APC: variants seen among roughly 807,000 people sequenced by gnomAD.
The protein encoded by APC is adenomatous polyposis coli protein.
In APC, 72 loss-of-function variants were observed where a neutral mutation model predicts 247.0. The observed-to-expected ratio is 0.29, with a 90% CI of 0.24 to 0.35. APC has a LOEUF of 0.35. Among genes scored for constraint, APC ranks in the 10% least tolerant of loss-of-function variants. The probability of loss-of-function intolerance (pLI) is 1.00; values close to 1 mark genes in which losing one functional copy is unlikely to be tolerated. For missense variants in APC, 3,400 were observed against 3,360.7 expected, an observed-to-expected ratio of 1.01 and a Z score of -0.29; for synonymous variants, 1,254 against 1,162.5, an observed-to-expected ratio of 1.08 and a Z score of -1.60.
chr5:112,809,150 G>A (rs1409301581), intron 8 of APC, among the ~76,000 whole-genome samples: 2 of 151,424 alleles, frequency 1.3e-5, no homozygotes, highest in Non-Finnish European at 2.9e-5. Flanking sequence ...CCAAGAGTTT[G>A]AGACCAGTCT....
In APC at chr5:112,840,374, C is replaced by G. The variant is rs1008704701; in HGVS notation, c.4780C>G (p.Pro1594Ala). The G allele has an allele frequency of 2.5e-6, 4 of 1,614,158 alleles. No individual in the cohort carries two copies. The highest frequency in any genetic ancestry group is 3.4e-6 in the Non-Finnish European group (4 of 1,180,026). ...AAAGTCATCACGTAAAGCAAAAAAG[C>G]CAGCCCAGACTGCTTCAAAATTACC... is the stretch of plus-strand genomic sequence containing the variant. ...PTKSSRKAKK[P>A]AQTASKLPPP... Residue 1594 changes from proline to alanine, a missense_variant, in exon 16 of 16, where the codon CCA becomes GCA. Transcript: ENST00000257430. This position sits in a 1 kb window ranked among gnomAD's most constrained non-coding sequence, Gnocchi z 4.1.
chr5:112,739,788 C>T (rs2431509), intron 1 of APC, among the ~76,000 whole-genome samples: 10,712 of 152,242 alleles, frequency 0.07, 433 homozygotes, highest in Middle Eastern at 0.14. Flanking sequence ...TTCCAAATGA[C>T]ATTTAACAGC....
chr5:112,786,390 G>T (rs17134929), intron 6 of APC, among the ~76,000 whole-genome samples: 3,648 of 152,260 alleles, frequency 0.024, 160 homozygotes, highest in African/African-American at 0.084. Context: ...ATGTGAGATT[G>T]TTAGTCTCCA....
chr5:112,760,849 G>A (rs372907744), intron 2 of APC, among the ~76,000 whole-genome samples: 54 of 149,794 alleles, frequency 3.6e-4, no homozygotes, highest in African/African-American at 7.4e-4. Flanking sequence ...TCGCTCTGTC[G>A]CCCAGTCTGG....
rs1422980338 is a variant in APC at position 112,843,838 on chromosome 5, A to G, written c.8244A>G (p.Val2748=). ...IKPGQNNPVP[V]SETNESSIVE... ...CAGGACAAAATAATCCTGTCCCTGT[A>G]TCAGAGACTAATGAAAGTTCTATAG... is the stretch of plus-strand genomic sequence containing the variant. The change falls in exon 16 of 16, where the codon GTA becomes GTG. Residue 2748 remains valine, a synonymous_variant. Coordinates refer to ENST00000257430, the MANE Select transcript of APC (RefSeq NM_000038.6). This position sits in a 1 kb window ranked among gnomAD's most constrained non-coding sequence, Gnocchi z 4.8. 1 of 1,614,114 alleles carries G rather than the reference A, an allele frequency of 6.2e-7. No homozygotes were observed.
At chr5:112,816,726 G>GA (rs1762548438) in intron 9 of APC, among the ~76,000 whole-genome samples, 1 of 151,522 alleles carries the variant, frequency 6.6e-6, no homozygotes, top group Non-Finnish European at 1.5e-5. Context: ...CTGGGAGGCG[G>GA]AGGTTGCAGT....
At chr5:112,791,410 G>A (rs538401057) in intron 6 of APC, among the ~76,000 whole-genome samples, 39 of 152,160 alleles carry the variant, frequency 2.6e-4, no homozygotes, top group Non-Finnish European at 4.9e-4. Flanking sequence ...TTAAACCAGG[G>A]GTCCCCAGCC....
upstream of APC, among the ~76,000 whole-genome samples, chr5:112,733,590 C>T (rs1355608962): frequency 6.6e-6 from 1 of 152,166 alleles, no homozygotes; most frequent in East Asian, 1.9e-4. Context: ...CAGATTCCCC[C>T]TTAGAGCCTC....
chr5:112,829,069 G>A, intron 14 of APC, 97 bp downstream of exon 14: 1 of 862,936 alleles, frequency 1.2e-6, no homozygotes, highest in East Asian at 2.5e-5. Flanking sequence ...TTTCTTACCT[G>A]TGTATTATTC....
chr5:112,728,778 A>T lies in APC; in HGVS notation c.165+20896A>T, dbSNP rs861674. 0.44 allele frequency among the ~76,000 whole-genome samples: 67,227 copies of T among 151,854 alleles called. 15,255 individuals are homozygous for T. The highest frequency in any genetic ancestry group is 0.48 in the Middle Eastern group (140 of 294). On this transcript the variant is annotated intron_variant, in intron 1 of 13. Coordinates refer to the APC transcript ENST00000507379. ...TTACATTCAGCTATAAATTAGTAAC[A>T]GTGTGCATATGATTTCTGATTATTT...
intron 8 of APC, among the ~76,000 whole-genome samples, chr5:112,812,989 A>T (rs925148689): frequency 1.3e-5 from 2 of 152,178 alleles, no homozygotes; most frequent in Non-Finnish European, 2.9e-5. Flanking sequence ...CCTAGTCAGC[A>T]TAAAGAGTCC....
Position 112,844,220 on chromosome 5 carries a change from T to A in APC, c.*94T>A, listed in dbSNP as rs1173615850. 8.2e-6 allele frequency: 10 copies of A among 1,222,986 alleles called. No individual in the cohort carries two copies. Among genetic ancestry groups the A allele is most frequent in the Non-Finnish European group, 1.0e-5 (9 of 869,698 alleles). 75.8% of individuals were successfully genotyped at this position (1,222,986 alleles called of 1,614,324 possible). A position where few individuals can be genotyped will look rare whatever the true frequency, so the allele number is the denominator to read the frequency against. The stretch of plus-strand genomic sequence containing the variant: ...AATGAAACTTTAAAAGACTGAAAAA[T>A]TTTGTAAATAGGTTTGATTCTTGTT... On this transcript the variant is annotated 3_prime_UTR_variant, in exon 16 of 16. Transcript: ENST00000257430.
At chr5:112,730,818 G>C (rs1444791287) in intron 1 of APC, among the ~76,000 whole-genome samples, 4 of 151,974 alleles carry the variant, frequency 2.6e-5, no homozygotes, top group Non-Finnish European at 5.9e-5. Flanking sequence ...TGTGACTTCA[G>C]TTAGTGTCGA....
intron 7 of APC, among the ~76,000 whole-genome samples, chr5:112,794,516 C>CA (rs1476133975): frequency 6.6e-6 from 1 of 152,200 alleles, no homozygotes; most frequent in Non-Finnish European, 1.5e-5. Flanking sequence ...AAGTAAAAGA[C>CA]AAAGTCAGTC....
At chr5:112,719,213 ACTT>A (rs371757938) in intron 1 of APC, among the ~76,000 whole-genome samples, 11 of 151,932 alleles carry the variant, frequency 7.2e-5, no homozygotes, top group African/African-American at 1.7e-4. Context: ...TTCCTTCTTT[ACTT>A]CTTCTTTCTT....
intron 7 of APC, among the ~76,000 whole-genome samples, chr5:112,798,683 C>G (rs1396652349): frequency 1.3e-5 from 2 of 152,054 alleles, no homozygotes; most frequent in African/African-American, 2.4e-5. Flanking sequence ...CTTCTTTTGT[C>G]TTCAGTGTAT....
chr5:112,819,953 G>C (rs1367319139), intron 10 of APC, among the ~76,000 whole-genome samples: 1 of 152,056 alleles, frequency 6.6e-6, no homozygotes, highest in Non-Finnish European at 1.5e-5. Context: ...TCTCAGCTCG[G>C]TGCTCTTCCT....
chr5:112,843,843 A>C lies in APC; in HGVS notation c.8249A>C (p.Glu2750Ala). 6 of 1,614,130 alleles carry C rather than the reference A, an allele frequency of 3.7e-6. No individual in the cohort carries two copies. Among genetic ancestry groups the C allele is most frequent in the Non-Finnish European group, 5.1e-6 (6 of 1,179,952 alleles). ...CAAAATAATCCTGTCCCTGTATCAG[A>C]GACTAATGAAAGTTCTATAGTGGAA... The part of the protein sequence containing the change: ...PGQNNPVPVS[E>A]TNESSIVERT... Residue 2750 changes from glutamate to alanine, a missense_variant, in exon 16 of 16, where the codon GAG becomes GCG. Around this residue, in one of 9 missense-constraint regions of APC, gnomAD observed 1,788 missense variants for 1,649.5 expected, o/e 1.08. Coordinates refer to ENST00000257430, the MANE Select transcript of APC (RefSeq NM_000038.6). This position sits in a 1 kb window ranked among gnomAD's most constrained non-coding sequence, Gnocchi z 4.8.
intron 8 of APC, among the ~76,000 whole-genome samples, chr5:112,812,190 AG>A (rs1451262694): frequency 6.6e-6 from 1 of 152,210 alleles, no homozygotes; most frequent in African/African-American, 2.4e-5. Flanking sequence ...CCAAGACTAA[AG>A]GGGAAGGGAT....
Sources: gnomAD v4.1 joint callset for allele counts (sites outside exome capture counted in the v4.1 genomes callset) on GRCh38, gnomAD v4.1.1 for gene constraint, gnomAD v4.1.1 regional missense constraint, Gnocchi (gnomAD v3.1) non-coding constraint, MANE v1.5 for transcripts, NCBI Gene and HGNC (gene_info 2026-07-23, HGNC 2026-07-21) for gene names.